Variants in CABP2 observed in about 807,000 individuals in gnomAD.
The protein encoded by CABP2 is calcium-binding protein 2.
In CABP2, 25 loss-of-function variants were observed where a neutral mutation model predicts 28.6. The ratio of observed to expected loss-of-function variants is 0.87; its 90% CI spans 0.64 to 1.22. The LOEUF is 1.22. CABP2 is among the 50% of genes most tolerant of loss of function. CABP2 has a pLI of 0.00. For synonymous variants in CABP2, 138 were observed against 126.0 expected, an observed-to-expected ratio of 1.09 and a Z score of -0.64; for missense variants, 310 against 312.2, an observed-to-expected ratio of 0.99 and a Z score of 0.05.
chr11:67,519,076 A>G lies in CABP2; in HGVS notation c.*63T>C. ...CTAGAGGCGATGGGCTTCAAGGAAC[A>G]TGCTGGTGGGCAGAGGCTGTGGTCC... On this transcript the variant is annotated 3_prime_UTR_variant, in exon 7 of 7. Transcript: ENST00000294288. The G allele has an allele frequency of 6.3e-7, 1 of 1,582,582 alleles. No homozygotes were observed. The highest frequency in any genetic ancestry group is 1.7e-5 in the Admixed American group (1 of 59,916).
chr11:67,520,908 G>T, intron 4 of CABP2, 117 bp downstream of exon 4: 1 of 1,129,088 alleles, frequency 8.9e-7, no homozygotes, highest in Non-Finnish European at 1.3e-6. Context: ...GAATGACCAA[G>T]GTCATGGGCT....
At chr11:67,520,232 C>T (rs941741867) in intron 4 of CABP2, 72 bp from the exon 5 acceptor site, 3 of 916,532 alleles carry the variant, frequency 3.3e-6, no homozygotes, top group Non-Finnish European at 5.3e-6. Flanking sequence ...CCTCCTCTGC[C>T]CTCTGCCTTC....
At position 67,521,956 on chromosome 11, in the gene CABP2, A is replaced by C; in HGVS notation, c.240T>G (p.Ile80Met). 6.3e-7 allele frequency: 1 copy of C among 1,598,950 alleles called. No individual in the cohort carries two copies. Among genetic ancestry groups the C allele is most frequent in the South Asian group, 1.1e-5 (1 of 90,524 alleles). Residue 80 changes from isoleucine (I) to methionine (M), a missense_variant, in exon 3 of 7, where the codon ATT becomes ATG. Coordinates refer to ENST00000294288, the MANE Select transcript of CABP2 (RefSeq NM_016366.3). Reference protein sequence around the residue: ...QLDRELRPEEIEELQVAFQEF... With the variant: ...QLDRELRPEEMEELQVAFQEF... ...GTTCCTTCTCCAACCCTTTACCTTC[A>C]ATCTCCTCGGGCCGCAGCTCCCGGT...
At chr11:67,519,206 T>C (rs1231819639) in intron 6 of CABP2, 42 bp from the exon 7 acceptor site, 2 of 1,611,900 alleles carry the variant, frequency 1.2e-6, no homozygotes, top group Non-Finnish European at 1.7e-6. Context: ...TTCTCTGGAC[T>C]GCGCTAGGAG....
rs1197475254 is a variant in CABP2 at position 67,522,618 on chromosome 11, G to T, written c.141C>A (p.Gly47=). The change falls in exon 2 of 7, where the codon GGC becomes GGA. Residue 47 remains glycine (G), a synonymous_variant. Transcript: ENST00000294288. ...EQGDPAPGVQ[G]YSVLNSLVGP... ...CCACCAGGCTGTTGAGCACCGAGTA[G>T]CCCTGGACGCCTGGCGCGGGGTCCC... 2.6e-6 allele frequency: 4 copies of T among 1,549,936 alleles called. No homozygotes were observed. The East Asian group carries it at 9.8e-5, about 38-fold the overall frequency.
intron 1 of CABP2, 92 bp from the exon 2 acceptor site, chr11:67,522,808 TTGGAG>T: frequency 8.2e-7 from 1 of 1,217,652 alleles, no homozygotes; most frequent in African/African-American, 1.5e-5. Context: ...GCTCCTGTCT[TTGGAG>T]CCCGGCATGG....
intron 2 of CABP2, 90 bp downstream of exon 2, chr11:67,522,456 A>G: frequency 1.5e-6 from 2 of 1,329,208 alleles, no homozygotes; most frequent in Non-Finnish European, 2.1e-6. Flanking sequence ...GGGCAAGGGT[A>G]GGTGGGCTGG....
At chr11:67,521,301 G>A in intron 3 of CABP2, 142 bp from the exon 4 acceptor site, 3 of 813,600 alleles carry the variant, frequency 3.7e-6, no homozygotes, top group South Asian at 3.6e-5. Flanking sequence ...TGCACGTGCT[G>A]TTCCTGTTAT....
Position 67,522,688 on chromosome 11 carries a change from G to A in CABP2, c.71C>T (p.Pro24Leu). ...GCTGGGGCTGGGGCAGGAGCCCCTT[G>A]GTGGGGAGCCGAGCCACTGCAAGGG... Reference protein sequence around the residue: ...KDPLQWLGSPPRGSCPSPSSS... With the variant: ...KDPLQWLGSPLRGSCPSPSSS... The change falls in exon 2 of 7, where the codon CCA becomes CTA. Residue 24 changes from proline to leucine, a missense_variant. Transcript: ENST00000294288. The A allele has an allele frequency of 6.6e-7, 1 of 1,519,926 alleles. No homozygotes were observed. The highest frequency in any genetic ancestry group is 8.8e-7 in the Non-Finnish European group (1 of 1,130,154). The allele number at this position is 1,519,926 out of a possible 1,614,324, so 94.2% of individuals were successfully genotyped here.
chr11:67,521,049 G>C lies in CABP2; in HGVS notation c.355C>G (p.Leu119Val). ...CTGATTTGTTGTGAGATCTCGATGA[G>C]CTCCATCTCGGTGGGCATGTAGCCC... ...TLGYMPTEME[L>V]IEISQQISGG... The change falls in exon 4 of 7, where the codon CTC (leucine) becomes GTC (valine). Residue 119 changes from leucine (L) to valine (V), a missense_variant. Transcript: ENST00000294288. The C allele has an allele frequency of 6.2e-7, 1 of 1,614,026 alleles. No individual in the cohort carries two copies. The highest frequency in any genetic ancestry group is 8.5e-7 in the Non-Finnish European group (1 of 1,179,972).
chr11:67,522,247 C>G (rs1047600404), intron 2 of CABP2, among the ~76,000 whole-genome samples: 8 of 152,110 alleles, frequency 5.3e-5, no homozygotes, highest in Admixed American at 2.0e-4. Flanking sequence ...AGGGGGCTCC[C>G]TTTGCTGGTG....
chr11:67,521,403 G>GAAGA (rs1473180962), intron 3 of CABP2, among the ~76,000 whole-genome samples: 1 of 152,188 alleles, frequency 6.6e-6, no homozygotes, highest in Non-Finnish European at 1.5e-5. Context: ...TTTCAAAAAG[G>GAAGA]AAGAAAGAAA....
At chr11:67,520,994 C>A (rs1382035005) in intron 4 of CABP2, 31 bp downstream of exon 4, 1 of 1,604,062 alleles carries the variant, frequency 6.2e-7, no homozygotes, top group East Asian at 2.2e-5. Flanking sequence ...ATCTGGAGGA[C>A]TGGGGATGGG....
At position 67,519,833 on chromosome 11, in the gene CABP2, C is replaced by T. The variant is rs749928273; in HGVS notation, c.597G>A (p.Gln199=). 6 of 1,614,120 alleles carry T rather than the reference C, an allele frequency of 3.7e-6. No individual in the cohort carries two copies. Among genetic ancestry groups the T allele is most frequent in the South Asian group, 3.3e-5 (3 of 91,088 alleles). ...LSQREVDEIL[Q]DVDLNGDGLV... ...GACCGTCCCCATTGAGGTCCACGTC[C>T]TGGAGGATCTCGTCCACCTCCCGCT... Residue 199 remains glutamine, a synonymous_variant, in exon 6 of 7, where the codon CAG becomes CAA. Coordinates refer to ENST00000294288, the MANE Select transcript of CABP2 (RefSeq NM_016366.3).
intron 2 of CABP2, 61 bp downstream of exon 2, chr11:67,522,485 A>G: frequency 1.3e-6 from 2 of 1,524,442 alleles, no homozygotes; most frequent in Non-Finnish European, 1.8e-6. Context: ...GGGCAAGGGC[A>G]GGTGAGCTGG....
intron 3 of CABP2, among the ~76,000 whole-genome samples, chr11:67,521,485 C>G (rs1866747271): frequency 6.6e-6 from 1 of 152,184 alleles, no homozygotes; most frequent in African/African-American, 2.4e-5. Context: ...GGTCCTATGT[C>G]ACCTACTAAA....
In CABP2 at chr11:67,519,905, G is replaced by A. The variant is rs764868118; in HGVS notation, c.525C>T (p.Gly175=). The change falls in exon 6 of 7, where the codon GGC becomes GGT. Residue 175 remains glycine (G), a synonymous_variant. Transcript: ENST00000294288. ...GGGCCTTGAGGGCCGCCCGGAGCTC[G>A]CCCACGCTGATGCGGCCGTCCCCAT... ...DTNGDGRISV[G]ELRAALKALL... is the part of the protein sequence containing the mutation. The A allele has an allele frequency of 6.2e-7, 1 of 1,611,592 alleles. No individual in the cohort carries two copies.
chr11:67,522,698 C>A lies in CABP2; in HGVS notation c.61G>T (p.Gly21Cys). ...RGPKDPLQWL[G>C]SPPRGSCPSP... ...GGGCAGGAGCCCCTTGGTGGGGAGC[C>A]GAGCCACTGCAAGGGGTCCTGCAGC... Residue 21 changes from glycine to cysteine, a missense_variant, in exon 2 of 7, where the codon GGC (glycine) becomes TGC (cysteine). Physicochemically the swap from Gly to Cys is radical, Grantham distance 159. Transcript: ENST00000294288. The A allele has an allele frequency of 6.6e-7, 1 of 1,507,134 alleles. No individual in the cohort carries two copies. The allele number at this position is 1,507,134 out of a possible 1,614,324, so 93.4% of individuals were successfully genotyped here.
chr11:67,521,184 C>T, intron 3 of CABP2, 25 bp from the exon 4 acceptor site: 1 of 1,605,668 alleles, frequency 6.2e-7, no homozygotes, highest in Non-Finnish European at 8.5e-7. Flanking sequence ...GGGGTCAGTC[C>T]TTCCCCCACA....
Sources: gnomAD v4.1 joint callset for allele counts (sites outside exome capture counted in the v4.1 genomes callset) on GRCh38, gnomAD v4.1.1 for gene constraint, MANE v1.5 for transcripts, NCBI Gene and HGNC (gene_info 2026-07-23, HGNC 2026-07-21) for gene names.